The following MGST2 variants were observed in gnomAD, a reference collection of about 807,000 sequenced individuals.
The protein encoded by MGST2 is microsomal glutathione S-transferase 2.
MGST2 carries 9 observed loss-of-function variants against 16.6 expected under a neutral mutation model. The ratio of observed to expected loss-of-function variants is 0.54; its 90% confidence interval spans 0.33 to 0.95. MGST2 has a LOEUF of 0.95. Ranked by LOEUF, MGST2 falls within the 40% of genes least tolerant of loss-of-function variation. The pLI, the probability that MGST2 is intolerant of heterozygous loss-of-function variation, is 0.03. For missense variants in MGST2, 159 were observed against 175.1 expected (o/e 0.91, Z 0.52); for synonymous variants, 79 against 68.0 (o/e 1.16, Z -0.79).
At chr4:139,672,311 G>A (rs1730737213) in intron 1 of MGST2, among the ~76,000 whole-genome samples, 1 of 152,168 alleles carries the variant, frequency 6.6e-6, no homozygotes, top group Non-Finnish European at 1.5e-5. Context: ...AAGAAGACTT[G>A]CCAAGTATTT....
the MGST2 span, among the ~76,000 whole-genome samples, chr4:139,754,215 T>C: frequency 1.3e-5 from 2 of 152,226 alleles, no homozygotes; most frequent in Admixed American, 6.5e-5. Context: ...CAATTATGGG[T>C]GAGTTTTTAA....
In MGST2 at chr4:139,665,909, T is replaced by G; in HGVS notation, c.-111T>G. ...TCATTCAGCCGCTTGAATCAGCCTT[T>G]TCCCCCCACCCGGTCCCCAACTTTG... On this transcript the variant is annotated 5_prime_UTR_variant, in exon 1 of 5. Coordinates refer to ENST00000265498, the MANE Select transcript of MGST2 (RefSeq NM_002413.5). The G allele has an allele frequency of 9.2e-7, 1 of 1,084,438 alleles. No individual in the cohort carries two copies. The highest frequency in any genetic ancestry group is 1.4e-6 in the Non-Finnish European group (1 of 713,616). 67.2% of individuals were successfully genotyped at this position (1,084,438 alleles called of 1,614,324 possible). A position where few individuals can be genotyped will look rare whatever the true frequency, so the allele number is the denominator to read the frequency against.
intron 1 of MGST2, among the ~76,000 whole-genome samples, chr4:139,670,997 G>A (rs1307623773): frequency 6.6e-6 from 1 of 152,156 alleles, no homozygotes; most frequent in Non-Finnish European, 1.5e-5. Flanking sequence ...TAAAAGAACT[G>A]GCCTAATGAG....
chr4:139,686,921 T>G lies in MGST2; in HGVS notation c.159-8276T>G, dbSNP rs115304080. On this transcript the variant is annotated intron_variant, in intron 2 of 4. Coordinates refer to ENST00000265498, the MANE Select transcript of MGST2 (RefSeq NM_002413.5). ...CTGGGTATCAAGGAGGCTAAGTCCC[T>G]GGGCCACTTCTTGGTTCTATTTTTA... Among the ~76,000 whole-genome samples, 410 of 152,318 alleles carry G rather than the reference T, an allele frequency of 2.7e-3. 1 individual carries two copies. Among genetic ancestry groups the G allele is most frequent in the Non-Finnish European group, 4.3e-3 (295 of 68,020 alleles).
chr4:139,670,251 T>TG (rs1488070183), intron 1 of MGST2, among the ~76,000 whole-genome samples: 3 of 92,212 alleles, frequency 3.3e-5, no homozygotes, highest in African/African-American at 1.0e-4. Flanking sequence ...TTTCCTTCGG[T>TG]GGGGGGCGGG....
intron 2 of MGST2, 130 bp downstream of exon 2, chr4:139,678,772 C>A: frequency 1.3e-6 from 1 of 776,702 alleles, no homozygotes; most frequent in Non-Finnish European, 2.3e-6. Context: ...AGTCACTCTT[C>A]ACAGCCAAGA....
chr4:139,666,117 C>CGCGCGAGCGT, intron 1 of MGST2, 40 bp downstream of exon 1: 1 of 1,025,216 alleles, frequency 9.8e-7, no homozygotes, highest in South Asian at 2.4e-5. Context: ...CGCGTGTGTG[C>CGCGCGAGCGT]GTGTGTGTGT....
At chr4:139,676,426 G>T (rs925030784) in intron 1 of MGST2, among the ~76,000 whole-genome samples, 32 of 152,146 alleles carry the variant, frequency 2.1e-4, no homozygotes, top group Non-Finnish European at 2.6e-4. Flanking sequence ...AGTTGTGGGG[G>T]CTGGCAAGTC....
chr4:139,678,514 T>G, intron 1 of MGST2, 29 bp from the exon 2 acceptor site: 1 of 1,570,934 alleles, frequency 6.4e-7, no homozygotes, highest in Non-Finnish European at 8.8e-7. Context: ...GTGCCCCATC[T>G]TTAACGCAAC....
At chr4:139,733,557 G>GAA (rs3051189) in intron 5 of MGST2, among the ~76,000 whole-genome samples, 17 of 126,204 alleles carry the variant, frequency 1.3e-4, no homozygotes, top group East Asian at 2.2e-4. Flanking sequence ...AGCACAGTGT[G>GAA]AAAAAAAAAA....
rs1029229724 is a variant in MGST2 at position 139,715,290 on chromosome 4, G to T, written c.*48+11094G>T. On this transcript the variant is annotated intron_variant, in intron 5 of 5. Transcript: ENST00000616265. The surrounding 1 kb of genome is among the most constrained non-coding windows in gnomAD (Gnocchi z 4.4). ...GTCTATTTCCTTTGTGTTAGGGGGT[G>T]TCTCCCCAGTATCGTCCCATCGTTC... Among the ~76,000 whole-genome samples the T allele has an allele frequency of 6.6e-6, 1 of 152,178 alleles. No homozygotes were observed. Among genetic ancestry groups the T allele is most frequent in the African/African-American group, 2.4e-5 (1 of 41,438 alleles).
At position 139,735,472 on chromosome 4, in the gene MGST2, G is replaced by C. The variant is rs554541125; in HGVS notation, c.*49-4740G>C. Among the ~76,000 whole-genome samples the C allele has an allele frequency of 1.5e-3, 235 of 151,896 alleles. No homozygotes were observed. The highest frequency in any genetic ancestry group is 4.8e-3 in the African/African-American group (197 of 41,462). ...GTAGGGGGGCAGTGGCGACCTCCGGGGGGGGAGGGTGGCGGACACCAGACC... is the reference window on the plus strand; with the variant it reads ...GTAGGGGGGCAGTGGCGACCTCCGGCGGGGGAGGGTGGCGGACACCAGACC... On this transcript the variant is annotated intron_variant, in intron 5 of 5. Coordinates refer to the MGST2 transcript ENST00000616265. The surrounding 1 kb of genome is among the most constrained non-coding windows in gnomAD (Gnocchi z 5.8).
downstream of MGST2, among the ~76,000 whole-genome samples, chr4:139,741,354 C>T (rs181505234): frequency 9.9e-5 from 15 of 152,274 alleles, no homozygotes; most frequent in African/African-American, 3.4e-4. Flanking sequence ...CCACAAGAAC[C>T]TTGAGTTTAG....
chr4:139,700,417 C>T (rs1727188846), intron 3 of MGST2, among the ~76,000 whole-genome samples: 1 of 152,080 alleles, frequency 6.6e-6, no homozygotes. Flanking sequence ...AGGCGTGAGC[C>T]ACCACGCCCG....
chr4:139,720,594 A>G (rs1174101923), intron 5 of MGST2, among the ~76,000 whole-genome samples: 2 of 152,258 alleles, frequency 1.3e-5, no homozygotes, highest in African/African-American at 4.8e-5. Flanking sequence ...TTTTATTTGT[A>G]TATAAATAGA....
downstream of MGST2, among the ~76,000 whole-genome samples, chr4:139,705,331 G>A (rs1425188239): frequency 6.6e-6 from 1 of 152,176 alleles, no homozygotes; most frequent in Non-Finnish European, 1.5e-5. Flanking sequence ...GAAAGAAAGG[G>A]GAGGTCTGAA....
chr4:139,719,151 G>A (rs1728116857), intron 5 of MGST2: 12 of 677,306 alleles, frequency 1.8e-5, no homozygotes, highest in Non-Finnish European at 2.4e-5. Context: ...GGTGAAATGA[G>A]GCCTGGTGGG....
chr4:139,719,748 T>G, intron 5 of MGST2: 1 of 1,613,750 alleles, frequency 6.2e-7, no homozygotes, highest in South Asian at 1.1e-5. Context: ...TGCTGCTTGG[T>G]CAGTCTCGGC....
intron 2 of MGST2, among the ~76,000 whole-genome samples, chr4:139,681,271 G>C (rs1731227372): frequency 6.6e-6 from 1 of 152,140 alleles, no homozygotes; most frequent in South Asian, 2.1e-4. Context: ...GCCCACCTCA[G>C]CCTCCCAAAG....
Sources: gnomAD v4.1 joint callset for allele counts (sites outside exome capture counted in the v4.1 genomes callset) on GRCh38, gnomAD v4.1.1 for gene constraint, Gnocchi (gnomAD v3.1) non-coding constraint, MANE v1.5 for transcripts, NCBI Gene and HGNC (gene_info 2026-07-23, HGNC 2026-07-21) for gene names.